The following ADIPOR2 variants were observed in gnomAD, a reference collection of about 807,000 sequenced individuals.
The protein encoded by ADIPOR2 is adiponectin receptor protein 2.
ADIPOR2 carries 18 observed loss-of-function variants against 40.9 expected under a neutral mutation model. The observed-to-expected ratio is 0.44, with a 90% CI of 0.30 to 0.65. The LOEUF (loss-of-function observed/expected upper bound fraction) is 0.65. Among genes scored for constraint, ADIPOR2 ranks in the 30% least tolerant of loss-of-function variants. The pLI, the probability that ADIPOR2 is intolerant of heterozygous loss-of-function variation, is 0.09. For synonymous variants in ADIPOR2, 165 were observed against 166.4 expected (o/e 0.99, Z 0.06); for missense variants, 283 against 479.2 (o/e 0.59, Z 3.82).
At chr12:1,729,991 C>CTTTTTT (rs1343177552) in intron 1 of ADIPOR2, among the ~76,000 whole-genome samples, 1 of 151,746 alleles carries the variant, frequency 6.6e-6, no homozygotes, top group Non-Finnish European at 1.5e-5. Flanking sequence ...GAAGGCATAC[C>CTTTTTT]GGAAGGGAAC....
At chr12:1,782,270 A>G (rs999019788) in intron 6 of ADIPOR2, among the ~76,000 whole-genome samples, 3 of 152,214 alleles carry the variant, frequency 2.0e-5, no homozygotes, top group Non-Finnish European at 4.4e-5. Context: ...ATTTGTGAGT[A>G]TGCATCCCAT....
chr12:1,721,370 C>T (rs373883051), intron 1 of ADIPOR2, among the ~76,000 whole-genome samples: 204 of 152,054 alleles, frequency 1.3e-3, no homozygotes, highest in Non-Finnish European at 2.2e-3. Flanking sequence ...CACATGCCAC[C>T]ACACCTGGCT....
intron 6 of ADIPOR2, among the ~76,000 whole-genome samples, chr12:1,782,976 C>CTTTCTTTTTTTT (rs1862750630): frequency 9.1e-6 from 1 of 109,756 alleles, no homozygotes; most frequent in Admixed American, 9.6e-5. Flanking sequence ...TTCTTTCTTT[C>CTTTCTTTTTTTT]TTTTTTTTTT....
intron 1 of ADIPOR2, among the ~76,000 whole-genome samples, chr12:1,729,617 GTTTTTTTTTTTT>G (rs56921758): frequency 1.7e-4 from 15 of 88,982 alleles, no homozygotes; most frequent in Admixed American, 6.2e-4. Context: ...TCAGCCAGTT[GTTTTTTTTTTTT>G]TTTTTTTTTT....
intron 1 of ADIPOR2, among the ~76,000 whole-genome samples, chr12:1,703,153 A>G (rs924439865): frequency 6.6e-6 from 1 of 152,250 alleles, no homozygotes. Context: ...TCCAGACTTC[A>G]GAATTTTTTT....
chr12:1,773,010 C>T (rs764549811), intron 3 of ADIPOR2, 49 bp downstream of exon 3: 1 of 1,589,474 alleles, frequency 6.3e-7, no homozygotes, highest in East Asian at 2.2e-5. Flanking sequence ...TTAGCCCTTC[C>T]AAAACAGAAA....
intron 2 of ADIPOR2, among the ~76,000 whole-genome samples, chr12:1,755,356 G>A (rs1219829912): frequency 1.3e-5 from 2 of 152,146 alleles, no homozygotes; most frequent in Non-Finnish European, 2.9e-5. Context: ...GATTATAGAC[G>A]TGAACGACTG....
chr12:1,709,586 C>T (rs747979980), intron 1 of ADIPOR2, among the ~76,000 whole-genome samples: 33 of 151,988 alleles, frequency 2.2e-4, no homozygotes, highest in Non-Finnish European at 4.3e-4. Context: ...ATTTTAATTT[C>T]TCTGAATTTG....
intron 1 of ADIPOR2, among the ~76,000 whole-genome samples, chr12:1,714,326 C>T (rs558752856): frequency 2.8e-4 from 43 of 152,036 alleles, no homozygotes; most frequent in Non-Finnish European, 2.4e-4. Context: ...TACTGTAGAA[C>T]ACGGAGGTTG....
chr12:1,711,330 C>T (rs763016424), intron 1 of ADIPOR2, among the ~76,000 whole-genome samples: 4 of 151,996 alleles, frequency 2.6e-5, no homozygotes, highest in Non-Finnish European at 4.4e-5. Context: ...CATTCCTAAC[C>T]CTATAAGTAG....
chr12:1,693,520 CTTTTT>C (rs35175001), intron 1 of ADIPOR2, among the ~76,000 whole-genome samples: 2 of 140,208 alleles, frequency 1.4e-5, no homozygotes, highest in Non-Finnish European at 1.5e-5. Context: ...TTGTAATCTG[CTTTTT>C]TTTTTTTTTG....
intron 2 of ADIPOR2, chr12:1,758,052 C>T: frequency 3.1e-6 from 2 of 640,106 alleles, no homozygotes; most frequent in Middle Eastern, 4.3e-4. Context: ...TTTTTAGAGT[C>T]CAGAACTTGC....
chr12:1,771,907 A>AT (rs1173269524), intron 2 of ADIPOR2, among the ~76,000 whole-genome samples: 1 of 152,156 alleles, frequency 6.6e-6, no homozygotes, highest in Non-Finnish European at 1.5e-5. Flanking sequence ...GAATTATAGA[A>AT]TTTTTTTAGA....
At chr12:1,695,354 TAA>T (rs1203407503) in intron 1 of ADIPOR2, among the ~76,000 whole-genome samples, 13 of 140,286 alleles carry the variant, frequency 9.3e-5, no homozygotes, top group Non-Finnish European at 7.8e-5. Flanking sequence ...CTCTGTCTCT[TAA>T]AAAAAAAAAA....
chr12:1,705,145 G>T (rs2094659463), intron 1 of ADIPOR2, among the ~76,000 whole-genome samples: 1 of 152,170 alleles, frequency 6.6e-6, no homozygotes, highest in African/African-American at 2.4e-5. Flanking sequence ...TTTTGATTTT[G>T]CCTGAAAGGT....
At chr12:1,785,828 A>G (rs1862818533) in intron 7 of ADIPOR2, 116 bp from the exon 8 acceptor site, 1 of 1,361,634 alleles carries the variant, frequency 7.3e-7, no homozygotes, top group African/African-American at 1.5e-5. Flanking sequence ...GCTCTGTCAC[A>G]TCCATTCCCT....
chr12:1,740,600 A>G (rs1166032100), intron 1 of ADIPOR2, among the ~76,000 whole-genome samples: 1 of 152,226 alleles, frequency 6.6e-6, no homozygotes, highest in Non-Finnish European at 1.5e-5. Context: ...TTAACATATG[A>G]ATTTTGAGAG....
At chr12:1,785,568 C>G (rs1290068381) in intron 7 of ADIPOR2, among the ~76,000 whole-genome samples, 1 of 152,072 alleles carries the variant, frequency 6.6e-6, no homozygotes, top group Admixed American at 6.5e-5. Flanking sequence ...TAATCATAGC[C>G]CATGGCTAGG....
intron 1 of ADIPOR2, among the ~76,000 whole-genome samples, chr12:1,733,327 G>C (rs1020255827): frequency 1.9e-4 from 29 of 152,112 alleles, no homozygotes; most frequent in African/African-American, 5.8e-4. Context: ...TATATATTTA[G>C]TGTTGTTAAT....
Sources: gnomAD v4.1 joint callset for allele counts (sites outside exome capture counted in the v4.1 genomes callset) on GRCh38, gnomAD v4.1.1 for gene constraint, MANE v1.5 for transcripts, NCBI Gene and HGNC (gene_info 2026-07-23, HGNC 2026-07-21) for gene names.